Variants in SYNE2 observed in about 807,000 individuals in gnomAD.
SYNE2 encodes nesprin-2.
In SYNE2, 431 loss-of-function variants were observed where a neutral mutation model predicts 856.3. The ratio of observed to expected loss-of-function variants is 0.50; its 90% CI spans 0.47 to 0.55. The LOEUF is 0.55. SYNE2 is among the 20% of genes least tolerant of loss of function. The pLI, the probability that SYNE2 is intolerant of heterozygous loss-of-function variation, is 0.00. For synonymous variants in SYNE2, 2,923 were observed against 2,872.3 expected, an observed-to-expected ratio of 1.02 and a Z score of -0.56; for missense variants, 8,129 against 8,023.2, an observed-to-expected ratio of 1.01 and a Z score of -0.50.
intron 1 of SYNE2, among the ~76,000 whole-genome samples, chr14:63,827,691 A>G (rs1889505081): frequency 6.7e-6 from 1 of 149,408 alleles, no homozygotes; most frequent in South Asian, 2.1e-4. Flanking sequence ...AAATGGGCAA[A>G]GGATTTTTTT....
At chr14:63,963,317 A>C (rs2096346917) in intron 9 of SYNE2, among the ~76,000 whole-genome samples, 1 of 152,254 alleles carries the variant, frequency 6.6e-6, no homozygotes, top group African/African-American at 2.4e-5. Context: ...ACTTAATAGG[A>C]AAAAACAAAG....
At chr14:64,132,187 A>T in intron 76 of SYNE2, 78 bp from the exon 77 acceptor site, 11 of 1,520,904 alleles carry the variant, frequency 7.2e-6, no homozygotes, top group Non-Finnish European at 8.2e-6. Flanking sequence ...AAATAACTGG[A>T]TATAAAGTTG....
At chr14:63,846,394 C>A (rs12432760) in intron 1 of SYNE2, among the ~76,000 whole-genome samples, 67,456 of 151,836 alleles carry the variant, frequency 0.44, 15,845 homozygotes, top group South Asian at 0.55. Flanking sequence ...TTTGGCCGTT[C>A]TTTCATTTTT....
At chr14:63,895,216 T>C (rs1222517921) in intron 1 of SYNE2, among the ~76,000 whole-genome samples, 1 of 151,656 alleles carries the variant, frequency 6.6e-6, no homozygotes, top group Non-Finnish European at 1.5e-5. Context: ...GTGATTCTCC[T>C]GCCTCAGCCT....
intron 21 of SYNE2, among the ~76,000 whole-genome samples, chr14:63,991,905 A>C (rs984179552): frequency 4.6e-5 from 7 of 152,132 alleles, no homozygotes; most frequent in Admixed American, 3.3e-4. Context: ...AGGGCGCCCT[A>C]TAGGAGTCTC....
At chr14:64,185,983 G>A (rs539409573) in intron 96 of SYNE2, among the ~76,000 whole-genome samples, 1 of 152,250 alleles carries the variant, frequency 6.6e-6, no homozygotes, top group East Asian at 1.9e-4. Flanking sequence ...TTGCTGTTAC[G>A]TGATTGCCAC....
chr14:64,036,340 G>A (rs567964226), intron 45 of SYNE2, among the ~76,000 whole-genome samples: 178 of 152,272 alleles, frequency 1.2e-3, no homozygotes, highest in African/African-American at 4.1e-3. Flanking sequence ...AGGCTGGAGT[G>A]CAGTGGCGCG....
intron 1 of SYNE2, among the ~76,000 whole-genome samples, chr14:63,766,327 G>A (rs570840486): frequency 1.2e-4 from 18 of 152,068 alleles, no homozygotes; most frequent in Non-Finnish European, 1.9e-4. Flanking sequence ...TGATCCGCCC[G>A]CCTCAGCATC....
intron 11 of SYNE2, among the ~76,000 whole-genome samples, chr14:63,974,804 G>GTGTATATA (rs1555407078): frequency 1.1e-4 from 14 of 130,862 alleles, no homozygotes; most frequent in African/African-American, 3.7e-4. Flanking sequence ...GTGTATATAT[G>GTGTATATA]TGTATATATG....
At position 64,159,432 on chromosome 14, in the gene SYNE2, A is replaced by G. The variant is rs141943858; in HGVS notation, c.16084A>G (p.Thr5362Ala). Reference protein sequence around the residue: ...AEIIEEKCQNTHKRWTQVNQA... With the variant: ...AEIIEEKCQNAHKRWTQVNQA... ...AATAATCGAAGAGAAATGCCAAAAT[A>G]CTCATAAAAGGTATGCTTTCAGATA... The change falls in exon 87 of 116, where the codon ACT becomes GCT. Residue 5362 changes from threonine to alanine, a missense_variant. Physicochemically the swap from Thr to Ala is moderately conservative, Grantham distance 58 (BLOSUM62 0). Transcript: ENST00000555002. 184 of 1,613,588 alleles carry G rather than the reference A, an allele frequency of 1.1e-4. No individual in the cohort carries two copies. Among genetic ancestry groups the G allele is most frequent in the Non-Finnish European group, 1.5e-4 (177 of 1,179,762 alleles).
Position 63,861,994 on chromosome 14 carries a change from T to C in SYNE2, c.-52+8851T>C, listed in dbSNP as rs752683892. Among the ~76,000 whole-genome samples the C allele has an allele frequency of 4.6e-5, 7 of 152,214 alleles. No homozygotes were observed. In the South Asian group the frequency reaches 1.2e-3, roughly 27 times the overall value. ...CCAGAATGAATATTATTAAATCCTGTCAATCTGGTTTTACCCAGGTCCTCA... is the reference window on the plus strand; with the variant it reads ...CCAGAATGAATATTATTAAATCCTGCCAATCTGGTTTTACCCAGGTCCTCA... On this transcript the variant is annotated intron_variant, in intron 1 of 115. Transcript: ENST00000555002.
intron 112 of SYNE2, among the ~76,000 whole-genome samples, chr14:64,222,209 T>G (rs924178304): frequency 6.6e-6 from 1 of 152,222 alleles, no homozygotes; most frequent in Non-Finnish European, 1.5e-5. Context: ...TGTATGTGGT[T>G]TAAATATTTT....
chr14:63,948,822 ATGTAGC>A, intron 6 of SYNE2, among the ~76,000 whole-genome samples: 1 of 128,016 alleles, frequency 7.8e-6, no homozygotes, highest in Non-Finnish European at 1.6e-5. Context: ...ATATATATAT[ATGTAGC>A]TTAATTTCCG....
intron 1 of SYNE2, among the ~76,000 whole-genome samples, chr14:63,787,157 A>G (rs186891570): frequency 2.9e-4 from 44 of 152,310 alleles, no homozygotes; most frequent in Admixed American, 1.4e-3. Context: ...GATATCGACA[A>G]TCTCAAATAT....
chr14:64,100,825 C>T (rs1012631529), intron 63 of SYNE2, among the ~76,000 whole-genome samples: 16 of 150,154 alleles, frequency 1.1e-4, no homozygotes, highest in Non-Finnish European at 2.1e-4. Context: ...AATCCCTGGT[C>T]GCTGGTAACC....
chr14:63,974,419 G>T (rs1452282261), intron 11 of SYNE2, among the ~76,000 whole-genome samples: 1 of 152,026 alleles, frequency 6.6e-6, no homozygotes, highest in African/African-American at 2.4e-5. Flanking sequence ...GAGAAAGGAG[G>T]TGCCAGACTC....
intron 2 of SYNE2, among the ~76,000 whole-genome samples, chr14:63,911,432 A>C (rs570157028): frequency 6.6e-6 from 1 of 152,242 alleles, no homozygotes; most frequent in African/African-American, 2.4e-5. Context: ...ACAGCAGGGG[A>C]CATTTTGACT....
intron 61 of SYNE2, among the ~76,000 whole-genome samples, chr14:64,094,291 G>A (rs555648747): frequency 1.8e-4 from 28 of 151,706 alleles, no homozygotes; most frequent in Non-Finnish European, 3.4e-4. Flanking sequence ...CCGAGATCGC[G>A]CCACTGCACT....
intron 82 of SYNE2, among the ~76,000 whole-genome samples, chr14:64,142,596 A>C (rs1291710745): frequency 5.9e-5 from 9 of 152,128 alleles, no homozygotes; most frequent in Non-Finnish European, 1.5e-5. Flanking sequence ...TGTCTCCATG[A>C]TGCTATTAGT....
Sources: allele counts gnomAD v4.1 joint callset (sites outside exome capture counted in the v4.1 genomes callset), GRCh38; gene constraint gnomAD v4.1.1; transcripts MANE v1.5; gene names NCBI Gene and HGNC (gene_info 2026-07-23, HGNC 2026-07-21).